CIC: variants seen among roughly 807,000 people sequenced by gnomAD.
CIC encodes the protein protein capicua homolog.
A neutral mutation model predicts 115.7 loss-of-function variants in CIC; 18 were observed. The observed-to-expected ratio is 0.16, with a 90% confidence interval of 0.11 to 0.23. The LOEUF (loss-of-function observed/expected upper bound fraction) is 0.23, where lower values mean the gene tolerates loss of function less well. Among genes scored for constraint, CIC ranks in the 10% least tolerant of loss-of-function variants. The pLI is 1.00. For synonymous variants in CIC, 1,076 were observed against 923.0 expected (o/e 1.17, Z -3.01); for missense variants, 2,000 against 2,159.3 (o/e 0.93, Z 1.46).
rs2037717770 is a variant in CIC, at chr19:42,287,190, C to G, written c.3129C>G (p.Pro1043=). Residue 1043 remains proline (P), a synonymous_variant, in exon 4 of 21, where the codon CCC becomes CCG. Transcript: ENST00000681038. This position sits in a 1 kb window ranked among gnomAD's most constrained non-coding sequence, Gnocchi z 8.7. Reference sequence around the variant, plus strand: ...CCACGGAGGAGGAGGCCTCCGGCCCCCCAGGAGAGCCCCGGCTGGACAGTG... The same window carrying G: ...CCACGGAGGAGGAGGCCTCCGGCCCGCCAGGAGAGCCCCGGCTGGACAGTG... ...PPTTEEEASG[P]PGEPRLDSET... is the part of the protein sequence containing the mutation. 1 of 1,613,606 alleles carries G rather than the reference C, an allele frequency of 6.2e-7. No homozygotes were observed. The highest frequency in any genetic ancestry group is 2.2e-5 in the East Asian group (1 of 44,864).
In CIC at chr19:42,292,768, A is replaced by G; in HGVS notation, c.6105A>G (p.Thr2035=). ...PSLVYTVATS[T]TPPAATILPK... ...TGGTCTACACTGTGGCCACCAGCAC[A>G]ACCCCACCTGCAGCCACCATTCTGC... The change falls in exon 15 of 21, where the codon ACA becomes ACG. Residue 2035 remains threonine (T), a synonymous_variant. Coordinates refer to ENST00000681038, the MANE Select transcript of CIC (RefSeq NM_001386298.1). The G allele has an allele frequency of 6.2e-7, 1 of 1,613,430 alleles. No individual in the cohort carries two copies. The highest frequency in any genetic ancestry group is 8.5e-7 in the Non-Finnish European group (1 of 1,179,878).
At chr19:42,275,649 C>G (rs558764744) in intron 2 of CIC, among the ~76,000 whole-genome samples, 5 of 152,200 alleles carry the variant, frequency 3.3e-5, no homozygotes, top group African/African-American at 1.2e-4. Flanking sequence ...TCCTTCCTAG[C>G]ATTTCTTTCT....
intron 16 of CIC, 127 bp from the exon 17 acceptor site, chr19:42,293,465 C>T: frequency 6.6e-7 from 1 of 1,512,406 alleles, no homozygotes; most frequent in Non-Finnish European, 9.0e-7. Flanking sequence ...TCTTGGCCTT[C>T]CTGAGGCCGT....
chr19:42,286,638 C>T (rs948541031), intron 2 of CIC, 133 bp from the exon 3 acceptor site: 6 of 1,125,574 alleles, frequency 5.3e-6, no homozygotes, highest in East Asian at 2.4e-5. Context: ...TGGACGAGTC[C>T]AAGAGGCTCT....
chr19:42,288,769 G>A, intron 7 of CIC, 119 bp from the exon 8 acceptor site: 4 of 866,582 alleles, frequency 4.6e-6, no homozygotes, highest in Non-Finnish European at 5.6e-6. Flanking sequence ...TTCACCAAGT[G>A]GCCCAGAAAT....
rs894979948 is a variant in CIC, at chr19:42,286,679, G to C, written c.2795-92G>C. On this transcript the variant is annotated intron_variant, in intron 2 of 20. Coordinates refer to ENST00000681038, the MANE Select transcript of CIC (RefSeq NM_001386298.1). ...TGGGGGTGGGGGGTAGACAAAAGGGGTGGGGCTACCTCATCTAGGGTGGGG... is the reference window on the plus strand; with the variant it reads ...TGGGGGTGGGGGGTAGACAAAAGGGCTGGGGCTACCTCATCTAGGGTGGGG... The C allele has an allele frequency of 8.4e-6, 13 of 1,554,134 alleles. No individual in the cohort carries two copies. The East Asian group carries it at 9.0e-5, about 11-fold the overall frequency.
chr19:42,295,400 C>T lies in CIC; in HGVS notation c.*209C>T. On this transcript the variant is annotated 3_prime_UTR_variant, in exon 21 of 21. Coordinates refer to ENST00000681038, the MANE Select transcript of CIC (RefSeq NM_001386298.1). Reference sequence around the variant, plus strand: ...AGCTGAGGGGCTGCAGGGGCAGTCTCCCTCCTCCAAGCCCCTGTACATAAC... The same window carrying T: ...AGCTGAGGGGCTGCAGGGGCAGTCTTCCTCCTCCAAGCCCCTGTACATAAC... 6 of 580,800 alleles carry T rather than the reference C, an allele frequency of 1.0e-5. No homozygotes were observed. The highest frequency in any genetic ancestry group is 8.3e-5 in the South Asian group (4 of 47,912). 36.0% of individuals were successfully genotyped at this position (580,800 alleles called of 1,614,324 possible).
At position 42,293,158 on chromosome 19, in the gene CIC, G is replaced by A. The variant is rs923872721; in HGVS notation, c.6399G>A (p.Glu2133=). ...REPTAPESEL[E]GQPTPPAPPP... is the part of the protein sequence containing the mutation. ...CAACTGCCCCAGAGTCTGAGCTTGA[G>A]GGGCAGCCCACACCACCAGCCCCTC... Residue 2133 remains glutamate, a synonymous_variant, in exon 16 of 21, where the codon GAG becomes GAA. Coordinates refer to ENST00000681038, the MANE Select transcript of CIC (RefSeq NM_001386298.1). 3 of 1,605,038 alleles carry A rather than the reference G, an allele frequency of 1.9e-6. No individual in the cohort carries two copies. The highest frequency in any genetic ancestry group is 1.7e-4 in the Middle Eastern group (1 of 6,034).
rs2037211865 is a variant in CIC, at chr19:42,280,949, C to T, written c.2795-5822C>T. ...CCCGCATCCCACCCATCTCCCAATC[C>T]CTGGGGACCATCCCCCACACACTCT... is the stretch of plus-strand genomic sequence containing the variant. On this transcript the variant is annotated intron_variant, in intron 2 of 20. Coordinates refer to ENST00000681038, the MANE Select transcript of CIC (RefSeq NM_001386298.1). This position sits in a 1 kb window ranked among gnomAD's most constrained non-coding sequence, Gnocchi z 4.9. Among the ~76,000 whole-genome samples, 1 of 151,370 alleles carries T rather than the reference C, an allele frequency of 6.6e-6. No individual in the cohort carries two copies. Among genetic ancestry groups the T allele is most frequent in the Admixed American group, 6.6e-5 (1 of 15,228 alleles).
At position 42,288,868 on chromosome 19, in the gene CIC, C is replaced by T. The variant is rs752313057; in HGVS notation, c.3659-20C>T. On this transcript the variant is annotated intron_variant, in intron 7 of 20. Coordinates refer to ENST00000681038, the MANE Select transcript of CIC (RefSeq NM_001386298.1). ...GTGACAGGCTTACTGACTGTCATAG[C>T]GCCACTCTCTACTTTACAGTGTCCT... The T allele has an allele frequency of 1.9e-6, 3 of 1,610,470 alleles. No homozygotes were observed. Among genetic ancestry groups the T allele is most frequent in the East Asian group, 2.2e-5 (1 of 44,862 alleles).
At position 42,291,415 on chromosome 19, in the gene CIC, A is replaced by C. The variant is rs537253892; in HGVS notation, c.5374A>C (p.Thr1792Pro). Residue 1792 changes from threonine (T) to proline (P), a missense_variant, in exon 11 of 21, where the codon ACT (threonine) becomes CCT (proline). Transcript: ENST00000681038. ...CAAAGTCCTGGCTGCCACTGCACCCACTCCTGGCATCCCCATCCTGCAGTC... is the reference window on the plus strand; with the variant it reads ...CAAAGTCCTGGCTGCCACTGCACCCCCTCCTGGCATCCCCATCCTGCAGTC... ...NGKVLAATAP[T>P]PGIPILQSVP... 3 of 1,611,966 alleles carry C rather than the reference A, an allele frequency of 1.9e-6. No homozygotes were observed. Among genetic ancestry groups the C allele is most frequent in the Non-Finnish European group, 2.5e-6 (3 of 1,179,666 alleles).
rs1036350758 is a variant in CIC, at chr19:42,287,890, G to A, written c.3573G>A (p.Lys1191=). ...GAAAGAAGTCCAGCTCAGAGGCCAA[G>A]CCCACGAGCCTGGGGCTGGCAGGAG... ...KDRKKSSSEA[K]PTSLGLAGGH... Residue 1191 remains lysine, a synonymous_variant, in exon 7 of 21, where the codon AAG becomes AAA. Transcript: ENST00000681038. The surrounding 1 kb of genome is among the most constrained non-coding windows in gnomAD (Gnocchi z 8.7). 47 of 1,611,012 alleles carry A rather than the reference G, an allele frequency of 2.9e-5. No homozygotes were observed. Among genetic ancestry groups the A allele is most frequent in the Non-Finnish European group, 3.6e-5 (42 of 1,178,734 alleles).
Position 42,295,143 on chromosome 19 carries a change from G to GGGGGGCCCCCCC in CIC, c.7506_7507insGGGGGCCCCCCC (p.Gln2502_Pro2503insGlyGlyProPro). The GGGGGGCCCCCCC allele has an allele frequency of 1.6e-5, 22 of 1,382,624 alleles. No homozygotes were observed. The highest frequency in any genetic ancestry group is 2.5e-5 in the East Asian group (1 of 39,690). 85.6% of individuals were successfully genotyped at this position (1,382,624 alleles called of 1,614,324 possible). ...AGCCTGGCTGGGAGGGGGCTCCCCA[G>GGGGGGCCCCCCC]CCCTCCCCCCCACCCCCAGGTCCCT... is the stretch of plus-strand genomic sequence containing the variant. On this transcript the variant is annotated inframe_insertion, in exon 21 of 21. Transcript: ENST00000681038.
intron 2 of CIC, chr19:42,284,759 C>T (rs1368159656): frequency 1.9e-6 from 3 of 1,556,628 alleles, no homozygotes; most frequent in African/African-American, 1.4e-5. Flanking sequence ...CTCCCGTGGC[C>T]TCGGCATGTT....
At chr19:42,283,762 G>A (rs2037379534) in intron 2 of CIC, among the ~76,000 whole-genome samples, 1 of 151,988 alleles carries the variant, frequency 6.6e-6, no homozygotes, top group Non-Finnish European at 1.5e-5. Context: ...GCCCCGAACC[G>A]CCCCCCTGGC....
intron 7 of CIC, among the ~76,000 whole-genome samples, chr19:42,288,342 G>T (rs527708645): frequency 1.3e-5 from 2 of 152,306 alleles, no homozygotes; most frequent in East Asian, 3.9e-4. Flanking sequence ...GCAAATGACA[G>T]AGCCAGAATG....
In CIC at chr19:42,287,559, C is replaced by T. The variant is rs1040296890; in HGVS notation, c.3324C>T (p.His1108=). The T allele has an allele frequency of 1.9e-6, 3 of 1,613,420 alleles. No homozygotes were observed. Among genetic ancestry groups the T allele is most frequent in the South Asian group, 1.1e-5 (1 of 91,090 alleles). Residue 1108 remains histidine (H), a synonymous_variant, in exon 6 of 21, where the codon CAC becomes CAT. Coordinates refer to ENST00000681038, the MANE Select transcript of CIC (RefSeq NM_001386298.1). The surrounding 1 kb of genome is among the most constrained non-coding windows in gnomAD (Gnocchi z 8.7). The stretch of plus-strand genomic sequence containing the variant: ...GTTTAATGCAGCGGGAGAAGGACCA[C>T]ATCCGGCGGCCCATGAATGCCTTCA... The part of the protein sequence containing the change: ...GRSPNKREKD[H]IRRPMNAFMI...
chr19:42,289,438 G>A (rs3826706), intron 9 of CIC, 32 bp downstream of exon 9: 833,466 of 1,552,338 alleles, frequency 0.54, 233,966 homozygotes, highest in East Asian at 0.63. Flanking sequence ...ATCTTGCCCA[G>A]GACCCAGCAG....
intron 15 of CIC, 35 bp from the exon 16 acceptor site, chr19:42,292,921 A>G (rs1345920657): frequency 1.2e-6 from 2 of 1,613,912 alleles, no homozygotes; most frequent in African/African-American, 2.7e-5. Context: ...GGCTCCAGTC[A>G]GGCCTGGCTC....
Sources: gnomAD v4.1 joint callset for allele counts (sites outside exome capture counted in the v4.1 genomes callset) on GRCh38, gnomAD v4.1.1 for gene constraint, Gnocchi (gnomAD v3.1) non-coding constraint, MANE v1.5 for transcripts, NCBI Gene and HGNC (gene_info 2026-07-23, HGNC 2026-07-21) for gene names.